HGD: variants seen among roughly 807,000 people sequenced by gnomAD.
HGD encodes homogentisate oxidase.
A neutral mutation model predicts 60.8 loss-of-function variants in HGD; 61 were observed. That is an observed-to-expected ratio of 1.00 (90% CI 0.82 to 1.24). The LOEUF is 1.24. Among genes scored for constraint, HGD ranks in the 50% most tolerant of loss-of-function variants. The pLI is 0.00. For missense variants in HGD, 542 were observed against 547.1 expected, an observed-to-expected ratio of 0.99 and a Z score of 0.09; for synonymous variants, 212 against 187.7, an observed-to-expected ratio of 1.13 and a Z score of -1.06.
intron 12 of HGD, chr3:120,633,601 T>G (rs1940661196): frequency 7.1e-7 from 1 of 1,401,346 alleles, no homozygotes; most frequent in Admixed American, 2.1e-5. Context: ...CTAAAGAAAA[T>G]CAGGGCCCAG....
In HGD at chr3:120,628,292, A is replaced by G; in HGVS notation, c.*88T>C. The G allele has an allele frequency of 7.0e-7, 1 of 1,431,478 alleles. No individual in the cohort carries two copies. Among genetic ancestry groups the G allele is most frequent in the Non-Finnish European group, 9.8e-7 (1 of 1,017,646 alleles). The allele number at this position is 1,431,478 out of a possible 1,614,324, so 88.7% of individuals were successfully genotyped here. On this transcript the variant is annotated 3_prime_UTR_variant, in exon 14 of 14. Transcript: ENST00000283871. ...GAAAAGTGAATTTTCATTTTAACCAACCCCCTCCTCCAATACTACCAGAAA... is the reference window on the plus strand; with the variant it reads ...GAAAAGTGAATTTTCATTTTAACCAGCCCCCTCCTCCAATACTACCAGAAA...
chr3:120,660,900 T>C (rs1285619322), intron 4 of HGD, among the ~76,000 whole-genome samples: 3 of 152,234 alleles, frequency 2.0e-5, no homozygotes, highest in Non-Finnish European at 4.4e-5. Flanking sequence ...TTTGACCTTG[T>C]CCTTGAATGT....
chr3:120,656,509 C>T (rs576993142), intron 4 of HGD, among the ~76,000 whole-genome samples: 1 of 151,754 alleles, frequency 6.6e-6, no homozygotes, highest in Admixed American at 6.6e-5. Flanking sequence ...AAATCTAAGG[C>T]ACTAACAACA....
chr3:120,647,985 C>A lies in HGD; in HGVS notation c.435-74G>T, dbSNP rs1576297148. 6.5e-6 allele frequency: 8 copies of A among 1,231,022 alleles called. No individual in the cohort carries two copies. In the East Asian group the frequency reaches 1.9e-4, roughly 29 times the overall value. 76.3% of individuals were successfully genotyped at this position (1,231,022 alleles called of 1,614,324 possible). A position where few individuals can be genotyped will look rare whatever the true frequency, so the allele number is the denominator to read the frequency against. ...AGACAAATTACGTCATAACACAAAT[C>A]ATTGTTTAGTGCCTATGTAGCAAGC... is the stretch of plus-strand genomic sequence containing the variant. On this transcript the variant is annotated intron_variant, in intron 6 of 13. Coordinates refer to ENST00000283871, the MANE Select transcript of HGD (RefSeq NM_000187.4).
intron 9 of HGD, among the ~76,000 whole-genome samples, chr3:120,645,190 C>T (rs369663371): frequency 6.6e-6 from 1 of 152,180 alleles, no homozygotes; most frequent in Non-Finnish European, 1.5e-5. Flanking sequence ...ACATGTTCCA[C>T]GGAACCTGGA....
chr3:120,681,734 T>A (rs1708233744), intron 1 of HGD, among the ~76,000 whole-genome samples: 1 of 152,106 alleles, frequency 6.6e-6, no homozygotes, highest in Admixed American at 6.6e-5. Context: ...TCACCGGAAG[T>A]GGTCCATGAG....
At chr3:120,672,801 T>A (rs1708051624) in intron 3 of HGD, among the ~76,000 whole-genome samples, 1 of 152,232 alleles carries the variant, frequency 6.6e-6, no homozygotes, top group African/African-American at 2.4e-5. Flanking sequence ...CAGTAGCTGC[T>A]GGCTTATCAT....
At chr3:120,643,270 T>C (rs1360516646) in intron 10 of HGD, among the ~76,000 whole-genome samples, 1 of 152,142 alleles carries the variant, frequency 6.6e-6, no homozygotes, top group African/African-American at 2.4e-5. Context: ...ATTACAGGTG[T>C]GCACCACCAC....
chr3:120,640,265 A>G (rs1034694178), intron 11 of HGD, among the ~76,000 whole-genome samples: 1 of 149,844 alleles, frequency 6.7e-6, no homozygotes, highest in Non-Finnish European at 1.5e-5. Context: ...GGAGGGAGGG[A>G]GGACTAAGGA....
intron 11 of HGD, among the ~76,000 whole-genome samples, chr3:120,638,855 T>G (rs561807687): frequency 2.6e-5 from 4 of 152,098 alleles, no homozygotes; most frequent in African/African-American, 4.8e-5. Context: ...AATCCCCACA[T>G]GTTGTGAGAA....
intron 13 of HGD, 111 bp from the exon 14 acceptor site, chr3:120,628,640 C>A: frequency 7.8e-7 from 1 of 1,279,188 alleles, no homozygotes; most frequent in South Asian, 1.2e-5. Context: ...AATAACAAAT[C>A]AAAGATTTGT....
intron 10 of HGD, among the ~76,000 whole-genome samples, chr3:120,642,318 G>A (rs916938590): frequency 3.3e-5 from 5 of 152,138 alleles, no homozygotes; most frequent in East Asian, 1.9e-4. Flanking sequence ...TAATGAAGGC[G>A]CTACTCATAG....
rs1491569082 is a variant in HGD at position 120,630,825 on chromosome 3, T to TATATATATATATATAC, written c.1189-2297_1189-2296insGTATATATATATATAT. On this transcript the variant is annotated intron_variant, in intron 13 of 13. Coordinates refer to ENST00000283871, the MANE Select transcript of HGD (RefSeq NM_000187.4). ...ATATATATATATATATATATATATA[T>TATATATATATATATAC]ACACATACACACACACATACACACA... is the stretch of plus-strand genomic sequence containing the variant. Among the ~76,000 whole-genome samples, 100 of 104,116 alleles carry TATATATATATATATAC rather than the reference T, an allele frequency of 9.6e-4. 1 individual carries two copies. The highest frequency in any genetic ancestry group is 3.6e-3 in the South Asian group (12 of 3,320). The allele number at this position is 104,116 out of a possible 152,430, so 68.3% of individuals were successfully genotyped here.
intron 4 of HGD, among the ~76,000 whole-genome samples, chr3:120,666,962 C>G (rs151265989): frequency 6.6e-6 from 1 of 152,078 alleles, no homozygotes; most frequent in African/African-American, 2.4e-5. Flanking sequence ...TGATGGGAGA[C>G]GTCCAGTAAT....
intron 10 of HGD, among the ~76,000 whole-genome samples, chr3:120,642,861 C>T (rs556389002): frequency 4.6e-5 from 7 of 152,220 alleles, no homozygotes; most frequent in Non-Finnish European, 8.8e-5. Flanking sequence ...CTAGGGAGCC[C>T]GGGTGATACA....
chr3:120,655,047 G>A (rs1333731488), intron 4 of HGD, among the ~76,000 whole-genome samples: 1 of 152,084 alleles, frequency 6.6e-6, no homozygotes, highest in Non-Finnish European at 1.5e-5. Context: ...CTCCAGCTTG[G>A]GTGACAGAGT....
rs142171576 is a variant in HGD, at chr3:120,639,050, C to G, written c.880-469G>C. On this transcript the variant is annotated intron_variant, in intron 11 of 13. Transcript: ENST00000283871. ...TTCGCCTTCCACCATGATTGTGAGG[C>G]CTCCCCAGCCATGTGGAACTGTGGA... Among the ~76,000 whole-genome samples the G allele has an allele frequency of 6.2e-4, 95 of 152,300 alleles. No homozygotes were observed. The East Asian group carries it at 0.017, about 28-fold the overall frequency.
chr3:120,641,485 G>A (rs1295378007), intron 11 of HGD, 104 bp downstream of exon 11: 19 of 807,910 alleles, frequency 2.4e-5, no homozygotes, highest in East Asian at 7.3e-5. Flanking sequence ...GGCTTCCAAT[G>A]GTGACATTGG....
intron 10 of HGD, among the ~76,000 whole-genome samples, chr3:120,643,424 T>C (rs1459754968): frequency 1.3e-5 from 2 of 152,182 alleles, no homozygotes; most frequent in Non-Finnish European, 2.9e-5. Context: ...ATGCCCAGCC[T>C]AGGATCTGAA....
Sources: allele counts gnomAD v4.1 joint callset (sites outside exome capture counted in the v4.1 genomes callset), GRCh38; gene constraint gnomAD v4.1.1; transcripts MANE v1.5; gene names NCBI Gene and HGNC (gene_info 2026-07-23, HGNC 2026-07-21).